Variants in PKD1L1 observed in about 807,000 individuals in gnomAD.
PKD1L1 encodes the protein polycystin-1-like protein 1.
A neutral mutation model predicts 323.4 loss-of-function variants in PKD1L1; 236 were observed. The observed-to-expected ratio is 0.73, with a 90% confidence interval of 0.66 to 0.81. The LOEUF (loss-of-function observed/expected upper bound fraction) is 0.81. Among genes scored for constraint, PKD1L1 ranks in the 40% least tolerant of loss-of-function variants. PKD1L1 has a pLI of 0.00. For missense variants in PKD1L1, 3,320 were observed against 3,508.0 expected, an observed-to-expected ratio of 0.95 and a Z score of 1.35; for synonymous variants, 1,344 against 1,335.0, an observed-to-expected ratio of 1.01 and a Z score of -0.15.
At chr7:47,832,804 C>T (rs1012671843) in intron 41 of PKD1L1, among the ~76,000 whole-genome samples, 3 of 152,236 alleles carry the variant, frequency 2.0e-5, no homozygotes, top group African/African-American at 7.2e-5. Flanking sequence ...AGCATTAAAA[C>T]ATGCAAAGCT....
At chr7:47,860,002 C>T (rs532945678) in intron 26 of PKD1L1, among the ~76,000 whole-genome samples, 10 of 152,258 alleles carry the variant, frequency 6.6e-5, no homozygotes, top group Non-Finnish European at 8.8e-5. Context: ...TAGTATAATA[C>T]GTCTATCACC....
intron 26 of PKD1L1, among the ~76,000 whole-genome samples, chr7:47,864,616 C>CT (rs1347670711): frequency 4.1e-4 from 58 of 139,942 alleles, no homozygotes; most frequent in Middle Eastern, 3.5e-3. Flanking sequence ...TTCTTTCTTT[C>CT]TTTCTTTCTT....
In PKD1L1 at chr7:47,902,379, C is replaced by G; in HGVS notation, c.2064G>C (p.Gln688His). 1 of 1,613,920 alleles carries G rather than the reference C, an allele frequency of 6.2e-7. No homozygotes were observed. The highest frequency in any genetic ancestry group is 8.5e-7 in the Non-Finnish European group (1 of 1,179,934). ...LVKNMGPGKV[Q>H]IWRSQPVRLG... Reference sequence around the variant, plus strand: ...AGGATTTCCCAGACTCCGAGCCTACCTGGACTTTCCCAGGCCCCATGTTCT... The same window carrying G: ...AGGATTTCCCAGACTCCGAGCCTACGTGGACTTTCCCAGGCCCCATGTTCT... Residue 688 changes from glutamine (Q) to histidine (H), a missense_variant and splice_region_variant, in exon 13 of 57, where the codon CAG becomes CAC. Coordinates refer to ENST00000289672, the MANE Select transcript of PKD1L1 (RefSeq NM_138295.5).
chr7:47,920,577 C>T (rs1472642072), intron 7 of PKD1L1, among the ~76,000 whole-genome samples: 1 of 152,004 alleles, frequency 6.6e-6, no homozygotes, highest in African/African-American at 2.4e-5. Context: ...AGAGGCTGTA[C>T]ATCCAAAGAA....
At chr7:47,804,072 A>G in intron 52 of PKD1L1, among the ~76,000 whole-genome samples, 1 of 152,170 alleles carries the variant, frequency 6.6e-6, no homozygotes, top group East Asian at 1.9e-4. Flanking sequence ...AAAAGAAATG[A>G]CAGCTGGATG....
intron 53 of PKD1L1, 141 bp downstream of exon 53, chr7:47,803,069 A>T: frequency 9.9e-7 from 1 of 1,014,350 alleles, no homozygotes; most frequent in Non-Finnish European, 1.4e-6. Context: ...ATCTAAAACC[A>T]CACTGTAAGG....
intron 26 of PKD1L1, among the ~76,000 whole-genome samples, chr7:47,861,407 G>A (rs1182187128): frequency 6.6e-6 from 1 of 152,204 alleles, no homozygotes; most frequent in Non-Finnish European, 1.5e-5. Context: ...ATCTACCCTT[G>A]AGGAGAAAGT....
At chr7:47,945,503 G>GAATAATCC (rs1788075834) in intron 1 of PKD1L1, among the ~76,000 whole-genome samples, 1 of 152,140 alleles carries the variant, frequency 6.6e-6, no homozygotes, top group Admixed American at 6.5e-5. Flanking sequence ...GCCTCAAACT[G>GAATAATCC]TTGAATAATT....
intron 46 of PKD1L1, among the ~76,000 whole-genome samples, chr7:47,816,807 T>C (rs1254474214): frequency 1.3e-5 from 2 of 152,222 alleles, no homozygotes; most frequent in African/African-American, 2.4e-5. Context: ...ATGATGGCCA[T>C]GGCTTTGGTA....
At chr7:47,871,758 A>G (rs138152526) in intron 24 of PKD1L1, among the ~76,000 whole-genome samples, 98 of 152,346 alleles carry the variant, frequency 6.4e-4, no homozygotes, top group African/African-American at 2.2e-3. Context: ...CAAACTAGGA[A>G]TAGAAGAGAA....
At chr7:47,902,784 A>T (rs1398775620) in intron 12 of PKD1L1, among the ~76,000 whole-genome samples, 1 of 152,202 alleles carries the variant, frequency 6.6e-6, no homozygotes, top group African/African-American at 2.4e-5. Flanking sequence ...CAATACATCT[A>T]TGTGAGGGGC....
chr7:47,876,995 G>C (rs966377726), intron 22 of PKD1L1, among the ~76,000 whole-genome samples: 1 of 151,906 alleles, frequency 6.6e-6, no homozygotes, highest in African/African-American at 2.4e-5. Context: ...GGCCAGGCTG[G>C]TTTGCATTCA....
intron 41 of PKD1L1, among the ~76,000 whole-genome samples, chr7:47,832,373 C>T (rs1450637770): frequency 3.3e-5 from 5 of 152,190 alleles, no homozygotes; most frequent in Admixed American, 6.5e-5. Context: ...CTTGTGCCTA[C>T]GCTGAAGGCT....
At chr7:47,829,056 G>T (rs1476609956) in intron 44 of PKD1L1, among the ~76,000 whole-genome samples, 1 of 152,204 alleles carries the variant, frequency 6.6e-6, no homozygotes, top group African/African-American at 2.4e-5. Context: ...AAGGGACAAA[G>T]GGATGAAGGC....
chr7:47,939,513 C>T (rs1425294541), intron 3 of PKD1L1, among the ~76,000 whole-genome samples: 3 of 152,162 alleles, frequency 2.0e-5, no homozygotes, highest in Non-Finnish European at 2.9e-5. Context: ...CTCTCGGACC[C>T]CACCCACAGA....
chr7:47,833,531 G>A (rs927223625), intron 40 of PKD1L1, among the ~76,000 whole-genome samples: 1 of 152,176 alleles, frequency 6.6e-6, no homozygotes, highest in Non-Finnish European at 1.5e-5. Context: ...TTCTCTGGGA[G>A]GCATGACCCT....
At chr7:47,929,577 G>A in intron 6 of PKD1L1, 51 bp from the exon 7 acceptor site, 3 of 1,509,644 alleles carry the variant, frequency 2.0e-6, no homozygotes, top group Non-Finnish European at 2.7e-6. Flanking sequence ...GACCACTGGG[G>A]TGGGAGGGCA....
At position 47,898,473 on chromosome 7, in the gene PKD1L1, A is replaced by T. The variant is rs868290407; in HGVS notation, c.2065-279T>A. On this transcript the variant is annotated intron_variant, in intron 13 of 56. Coordinates refer to ENST00000289672, the MANE Select transcript of PKD1L1 (RefSeq NM_138295.5). Reference sequence around the variant, plus strand: ...TCCTATGCATAAAATTAATGGAAAAATAGCAAAGATATCTGATATTTGATT... The same window carrying T: ...TCCTATGCATAAAATTAATGGAAAATTAGCAAAGATATCTGATATTTGATT... Among the ~76,000 whole-genome samples the T allele has an allele frequency of 5.2e-4, 79 of 152,306 alleles. 1 individual carries two copies. Among genetic ancestry groups the T allele is most frequent in the African/African-American group, 1.7e-3 (70 of 41,578 alleles).
At chr7:47,918,435 C>T (rs1476920190) in intron 7 of PKD1L1, among the ~76,000 whole-genome samples, 3 of 149,904 alleles carry the variant, frequency 2.0e-5, no homozygotes, top group African/African-American at 7.5e-5. Flanking sequence ...ACTCCACTGA[C>T]AGCACTAGAC....
Sources: allele counts gnomAD v4.1 joint callset (sites outside exome capture counted in the v4.1 genomes callset), GRCh38; gene constraint gnomAD v4.1.1; transcripts MANE v1.5; gene names NCBI Gene and HGNC (gene_info 2026-07-23, HGNC 2026-07-21).